Variants in ENY2 observed in about 807,000 individuals in gnomAD.
ENY2 encodes ENY2 transcription and export complex 2 subunit, also known as transcription and mRNA export factor ENY2.
In ENY2, 4 loss-of-function variants were observed where a neutral mutation model predicts 15.9. That is an observed-to-expected ratio of 0.25 (90% CI 0.12 to 0.57). The LOEUF (loss-of-function observed/expected upper bound fraction) is 0.57, where lower values mean the gene tolerates loss of function less well. ENY2 is among the 20% of genes least tolerant of loss of function. The pLI, the probability that ENY2 is intolerant of heterozygous loss-of-function variation, is 0.91. For missense variants in ENY2, 54 were observed against 117.2 expected (o/e 0.46, Z 2.49); for synonymous variants, 48 against 38.0 (o/e 1.26, Z -0.97).
At chr8:109,335,812 A>C (rs1025878995) in intron 1 of ENY2, 1 of 193,466 alleles carries the variant, frequency 5.2e-6, no homozygotes, top group African/African-American at 2.3e-5. Flanking sequence ...TTGAGTTCAA[A>C]TTTTGCCTTT....
At position 109,340,443 on chromosome 8, in the gene ENY2, G is replaced by C. The variant is rs765657145; in HGVS notation, c.155-46G>C. On this transcript the variant is annotated intron_variant, in intron 3 of 4. Coordinates refer to ENST00000521688, the MANE Select transcript of ENY2 (RefSeq NM_020189.6). ...TTCCTCTATGAAAATCTTTCTTACA[G>C]ATAATGATTTTAAATGATATGATTT... The C allele has an allele frequency of 1.3e-5, 21 of 1,604,866 alleles. No individual in the cohort carries two copies. In the Admixed American group the frequency reaches 3.5e-4, roughly 27 times the overall value.
At chr8:109,342,691 G>A (rs769194455) in intron 4 of ENY2, 2 of 697,338 alleles carry the variant, frequency 2.9e-6, no homozygotes, top group Admixed American at 4.0e-5. Context: ...TTTTTGTAGA[G>A]ACAGGTTTCG....
chr8:109,334,356 G>A lies in ENY2; in HGVS notation c.-113G>A, dbSNP rs1815901041. ...CGTGTTCTAGCTTTCTGTGTGCTTA[G>A]GTGCCCGAGCTACTGAGGGTCTAAG... On this transcript the variant is annotated 5_prime_UTR_variant, in exon 1 of 5. Transcript: ENST00000521688. 5.3e-6 allele frequency: 8 copies of A among 1,503,448 alleles called. No individual in the cohort carries two copies. The highest frequency in any genetic ancestry group is 1.8e-5 in the Admixed American group (1 of 54,670). 93.1% of individuals were successfully genotyped at this position (1,503,448 alleles called of 1,614,324 possible). A position where few individuals can be genotyped will look rare whatever the true frequency, so the allele number is the denominator to read the frequency against.
intron 4 of ENY2, chr8:109,342,710 C>T (rs952874772): frequency 7.2e-6 from 5 of 697,834 alleles, no homozygotes; most frequent in Non-Finnish European, 1.3e-5. Flanking sequence ...CGCCATGTTG[C>T]CCAGGCTGGT....
Position 109,344,956 on chromosome 8 carries a change from TC to T in ENY2, c.*1476del. ...GGAATTTCTCAATGTAGAATGAAACTCATTCAGCATTAACACATAGGCCCTT... is the reference window on the plus strand; with the variant it reads ...GGAATTTCTCAATGTAGAATGAAACTATTCAGCATTAACACATAGGCCCTT... On this transcript the variant is annotated 3_prime_UTR_variant, in exon 5 of 5. Coordinates refer to ENST00000521688, the MANE Select transcript of ENY2 (RefSeq NM_020189.6). 6.6e-6 allele frequency: 1 copy of T among 152,288 alleles called. No homozygotes were observed. Among genetic ancestry groups the T allele is most frequent in the South Asian group, 2.1e-4 (1 of 4,828 alleles). The allele number at this position is 152,288 out of a possible 1,614,324, so 9.4% of individuals were successfully genotyped here. A position where few individuals can be genotyped will look rare whatever the true frequency, so the allele number is the denominator to read the frequency against.
At chr8:109,335,385 CAG>C (rs1225697915) in intron 1 of ENY2, 2 of 132,284 alleles carry the variant, frequency 1.5e-5, no homozygotes, top group African/African-American at 2.9e-5. Context: ...TTTTTTGAGA[CAG>C]AGTCTTGCCC....
intron 4 of ENY2, among the ~76,000 whole-genome samples, chr8:109,343,129 CTG>C (rs1451084527): frequency 6.6e-6 from 1 of 152,198 alleles, no homozygotes; most frequent in Non-Finnish European, 1.5e-5. Flanking sequence ...GTTATAGCCT[CTG>C]TATTTAAAAA....
chr8:109,334,593 A>T (rs1815912610), intron 1 of ENY2, 119 bp downstream of exon 1: 1 of 1,272,228 alleles, frequency 7.9e-7, no homozygotes, highest in African/African-American at 1.5e-5. Context: ...GCTCTCCGAC[A>T]GGGCGTGCTA....
intron 4 of ENY2, 88 bp downstream of exon 4, chr8:109,340,651 T>C (rs1374964333): frequency 6.5e-7 from 1 of 1,546,670 alleles, no homozygotes. Flanking sequence ...CTTTCTGTTT[T>C]TAAGGAAAAG....
rs765821865 is a variant in ENY2, at chr8:109,339,303, C to T, written c.84-17C>T. The T allele has an allele frequency of 9.3e-6, 15 of 1,611,818 alleles. 1 individual carries two copies. The South Asian group carries it at 1.3e-4, about 14-fold the overall frequency. ...TGTTATACATTGTTCAATTTGAAAA[C>T]ACTTCTGTTTCAACAGCCTCAAAGA... On this transcript the variant is annotated splice_polypyrimidine_tract_variant and intron_variant, in intron 2 of 4. Transcript: ENST00000521688.
At chr8:109,335,607 T>A (rs984289899) in intron 1 of ENY2, 1 of 152,310 alleles carries the variant, frequency 6.6e-6, no homozygotes, top group African/African-American at 2.4e-5. Context: ...GTGATCCACC[T>A]GCCTGGGCCT....
In ENY2 at chr8:109,344,370, T is replaced by G. The variant is rs1816187758; in HGVS notation, c.*889T>G. 6.6e-6 allele frequency: 1 copy of G among 152,208 alleles called. No homozygotes were observed. Among genetic ancestry groups the G allele is most frequent in the Non-Finnish European group, 1.5e-5 (1 of 68,056 alleles). 9.4% of individuals were successfully genotyped at this position (152,208 alleles called of 1,614,324 possible). On this transcript the variant is annotated 3_prime_UTR_variant, in exon 5 of 5. Transcript: ENST00000521688. ...CTCCCTCCAGGGCCCTCTGCCTCACTAACTGGATATACTTTTCCTGAGCAA... is the reference window on the plus strand; with the variant it reads ...CTCCCTCCAGGGCCCTCTGCCTCACGAACTGGATATACTTTTCCTGAGCAA...
Position 109,344,661 on chromosome 8 carries a change from A to G in ENY2, c.*1180A>G, listed in dbSNP as rs987865690. On this transcript the variant is annotated 3_prime_UTR_variant, in exon 5 of 5. Coordinates refer to ENST00000521688, the MANE Select transcript of ENY2 (RefSeq NM_020189.6). ...GGAGCTTACTGAAATGCTGATTCTG[A>G]AGATAAGGGGCATGGCTTTAAGATT... The G allele has an allele frequency of 1.3e-5, 2 of 152,206 alleles. No homozygotes were observed. Among genetic ancestry groups the G allele is most frequent in the Non-Finnish European group, 2.9e-5 (2 of 68,046 alleles). The allele number at this position is 152,206 out of a possible 1,614,324, so 9.4% of individuals were successfully genotyped here.
At chr8:109,342,555 G>C (rs1816144873) in intron 4 of ENY2, 3 of 470,382 alleles carry the variant, frequency 6.4e-6, no homozygotes, top group Non-Finnish European at 1.1e-5. Context: ...TGTCACCGAG[G>C]ATGGAGTGCG....
chr8:109,339,273 T>C, intron 2 of ENY2, 47 bp from the exon 3 acceptor site: 1 of 1,561,888 alleles, frequency 6.4e-7, no homozygotes, highest in Admixed American at 1.7e-5. Flanking sequence ...CATTCCTGTC[T>C]AAGATGTTAT....
At position 109,343,605 on chromosome 8, in the gene ENY2, T is replaced by A; in HGVS notation, c.*124T>A. On this transcript the variant is annotated 3_prime_UTR_variant, in exon 5 of 5. Transcript: ENST00000521688. ...TGGTATACAGTTTTCAGTAATGATG[T>A]ATACATTGTATTGATTTTTTTCCCT... 3.2e-6 allele frequency: 2 copies of A among 624,502 alleles called. No homozygotes were observed. Among genetic ancestry groups the A allele is most frequent in the Non-Finnish European group, 5.1e-6 (2 of 392,156 alleles). The allele number at this position is 624,502 out of a possible 1,614,324, so 38.7% of individuals were successfully genotyped here.
intron 2 of ENY2, 149 bp from the exon 3 acceptor site, chr8:109,339,171 A>G (rs1440741857): frequency 3.1e-6 from 2 of 638,274 alleles, no homozygotes; most frequent in Non-Finnish European, 5.5e-6. Flanking sequence ...TCAAAGAACT[A>G]TTTAGCATTT....
At chr8:109,337,801 A>T (rs749952345) in intron 2 of ENY2, among the ~76,000 whole-genome samples, 1 of 152,126 alleles carries the variant, frequency 6.6e-6, no homozygotes, top group African/African-American at 2.4e-5. Flanking sequence ...CAGGAGGCTG[A>T]GGCAGGTGAA....
chr8:109,336,620 AC>A (rs1338227783), intron 2 of ENY2: 1 of 163,032 alleles, frequency 6.1e-6, no homozygotes, highest in African/African-American at 2.4e-5. Context: ...TTCTAGCTCA[AC>A]TATCAGGTCT....
Sources: gnomAD v4.1 joint callset for allele counts (sites outside exome capture counted in the v4.1 genomes callset) on GRCh38, gnomAD v4.1.1 for gene constraint, MANE v1.5 for transcripts, NCBI Gene and HGNC (gene_info 2026-07-23, HGNC 2026-07-21) for gene names.